The following LRRTM4 variants were observed in gnomAD, a reference collection of about 807,000 sequenced individuals.
LRRTM4 encodes the protein leucine-rich repeat transmembrane neuronal protein 4.
LRRTM4 carries 25 observed loss-of-function variants against 47.6 expected under a neutral mutation model. That is an observed-to-expected ratio of 0.53 (90% CI 0.38 to 0.73). The LOEUF is 0.73. Ranked by LOEUF, LRRTM4 falls within the 30% of genes least tolerant of loss-of-function variation. The probability of loss-of-function intolerance (pLI) is 0.00; values close to 1 mark genes in which losing one functional copy is unlikely to be tolerated. For missense variants in LRRTM4, 638 were observed against 713.4 expected, an observed-to-expected ratio of 0.89 and a Z score of 1.20; for synonymous variants, 311 against 269.5, an observed-to-expected ratio of 1.15 and a Z score of -1.51.
intron 3 of LRRTM4, among the ~76,000 whole-genome samples, chr2:77,315,758 C>T (rs1255793579): frequency 6.6e-6 from 1 of 152,052 alleles, no homozygotes; most frequent in Admixed American, 6.6e-5. Flanking sequence ...CAACCCAGGG[C>T]TGTCTGTCTT....
At chr2:76,924,149 AAGTT>A (rs1337596115) in intron 3 of LRRTM4, among the ~76,000 whole-genome samples, 1 of 152,126 alleles carries the variant, frequency 6.6e-6, no homozygotes, top group Non-Finnish European at 1.5e-5. Flanking sequence ...TCTTTCTGAA[AAGTT>A]ATATTATAAA....
chr2:76,801,170 C>A (rs1675656407), intron 3 of LRRTM4, among the ~76,000 whole-genome samples: 1 of 152,094 alleles, frequency 6.6e-6, no homozygotes, highest in African/African-American at 2.4e-5. Flanking sequence ...TGGGTATATA[C>A]CCAAATGCCT....
At chr2:77,225,380 A>C (rs543142512) in intron 3 of LRRTM4, among the ~76,000 whole-genome samples, 7 of 151,808 alleles carry the variant, frequency 4.6e-5, no homozygotes, top group Non-Finnish European at 1.0e-4. Flanking sequence ...AAAATAAAAA[A>C]AAAGACCCAT....
chr2:77,295,082 A>G (rs187574928), intron 3 of LRRTM4, among the ~76,000 whole-genome samples: 2 of 152,344 alleles, frequency 1.3e-5, no homozygotes, highest in East Asian at 3.9e-4. Flanking sequence ...TAGCAATAAT[A>G]CTAGCATTTC....
chr2:76,810,678 T>A (rs758625353), intron 3 of LRRTM4, among the ~76,000 whole-genome samples: 7 of 152,184 alleles, frequency 4.6e-5, no homozygotes, highest in Non-Finnish European at 8.8e-5. Flanking sequence ...TAACCTGCTG[T>A]AACTTAACTT....
chr2:77,053,253 C>T (rs1004252104), intron 3 of LRRTM4, among the ~76,000 whole-genome samples: 3 of 152,110 alleles, frequency 2.0e-5, no homozygotes, highest in African/African-American at 7.2e-5. Flanking sequence ...TGACTGATCA[C>T]TGCAAATACT....
chr2:76,881,039 G>T (rs1413374028), intron 3 of LRRTM4, among the ~76,000 whole-genome samples: 1 of 152,086 alleles, frequency 6.6e-6, no homozygotes, highest in Non-Finnish European at 1.5e-5. Context: ...AGTACCGTAG[G>T]ATGGCTATAG....
At chr2:77,327,901 G>A (rs893180509) in intron 3 of LRRTM4, among the ~76,000 whole-genome samples, 13 of 152,144 alleles carry the variant, frequency 8.5e-5, no homozygotes, top group Non-Finnish European at 1.9e-4. Context: ...GAAAAGCAGA[G>A]GAAATTTTTG....
intron 3 of LRRTM4, among the ~76,000 whole-genome samples, chr2:76,782,408 T>A (rs1674448422): frequency 6.6e-6 from 1 of 152,162 alleles, no homozygotes; most frequent in Admixed American, 6.5e-5. Flanking sequence ...GGTGCTTTCT[T>A]TGGGGTCCCA....
intron 3 of LRRTM4, among the ~76,000 whole-genome samples, chr2:76,751,985 T>C (rs1394081662): frequency 2.0e-5 from 3 of 152,196 alleles, no homozygotes; most frequent in African/African-American, 7.2e-5. Flanking sequence ...TTCTACACTT[T>C]AACTTAAATA....
rs536349446 is a variant in LRRTM4, at chr2:77,473,493, T to C, written c.1551+44825A>G. ...CACCTGATAGCTCTATTAGCCTTTT[T>C]TTCCCCCTTTCTAGAAATGAGCGGG... On this transcript the variant is annotated intron_variant, in intron 3 of 3. Transcript: ENST00000409884. Among the ~76,000 whole-genome samples, 10 of 152,204 alleles carry C rather than the reference T, an allele frequency of 6.6e-5. No individual in the cohort carries two copies. The East Asian group carries it at 1.9e-3, about 29-fold the overall frequency.
At chr2:76,981,890 G>A (rs979583344) in intron 3 of LRRTM4, among the ~76,000 whole-genome samples, 1 of 152,010 alleles carries the variant, frequency 6.6e-6, no homozygotes, top group Admixed American at 6.6e-5. Flanking sequence ...TAGATAAAGA[G>A]TATATATAAA....
At chr2:76,976,295 A>G (rs912551279) in intron 3 of LRRTM4, among the ~76,000 whole-genome samples, 1 of 151,802 alleles carries the variant, frequency 6.6e-6, no homozygotes. Flanking sequence ...GAGAGTAAAT[A>G]AAATCAAAAT....
intron 3 of LRRTM4, among the ~76,000 whole-genome samples, chr2:76,985,684 G>C (rs898456138): frequency 2.6e-5 from 4 of 151,852 alleles, no homozygotes; most frequent in African/African-American, 9.7e-5. Context: ...TAATGTGAGA[G>C]GCAATCAAAA....
At chr2:77,444,178 C>T (rs1478975164) in intron 3 of LRRTM4, among the ~76,000 whole-genome samples, 1 of 151,830 alleles carries the variant, frequency 6.6e-6, no homozygotes, top group Non-Finnish European at 1.5e-5. Context: ...AATATAACAC[C>T]CAATCAAACC....
chr2:77,255,230 C>G (rs1675730668), intron 3 of LRRTM4, among the ~76,000 whole-genome samples: 1 of 151,812 alleles, frequency 6.6e-6, no homozygotes, highest in Non-Finnish European at 1.5e-5. Context: ...AGATATTAAG[C>G]CTAAATATGC....
At chr2:76,893,794 A>T (rs1308490943) in intron 3 of LRRTM4, among the ~76,000 whole-genome samples, 2 of 151,820 alleles carry the variant, frequency 1.3e-5, no homozygotes, top group Non-Finnish European at 2.9e-5. Context: ...TCAGAGACTC[A>T]TCTATGTGTC....
chr2:77,473,948 C>T (rs532589810), intron 3 of LRRTM4, among the ~76,000 whole-genome samples: 44 of 152,186 alleles, frequency 2.9e-4, no homozygotes, highest in African/African-American at 9.1e-4. Context: ...CAATTTAGCA[C>T]GTGTTCTTTG....
At chr2:76,766,619 G>A (rs942845641) in intron 3 of LRRTM4, among the ~76,000 whole-genome samples, 1 of 152,186 alleles carries the variant, frequency 6.6e-6, no homozygotes. Flanking sequence ...GTAAGTAAGA[G>A]GCACCCAGTG....
Sources: allele counts gnomAD v4.1 joint callset (sites outside exome capture counted in the v4.1 genomes callset), GRCh38; gene constraint gnomAD v4.1.1; transcripts MANE v1.5; gene names NCBI Gene and HGNC (gene_info 2026-07-23, HGNC 2026-07-21).